CDH4: variants seen among roughly 807,000 people sequenced by gnomAD.
CDH4 encodes the protein cadherin-4.
CDH4 carries 33 observed loss-of-function variants against 86.0 expected under a neutral mutation model. The observed-to-expected ratio is 0.38, with a 90% CI of 0.29 to 0.51. CDH4 has a LOEUF of 0.51. Ranked by LOEUF, CDH4 falls within the 20% of genes least tolerant of loss-of-function variation. CDH4 has a pLI of 0.86. For missense variants in CDH4, 1,114 were observed against 1,307.4 expected, an observed-to-expected ratio of 0.85 and a Z score of 2.28; for synonymous variants, 555 against 549.4, an observed-to-expected ratio of 1.01 and a Z score of -0.14.
At chr20:61,836,249 T>C (rs954665372) in intron 4 of CDH4, among the ~76,000 whole-genome samples, 1 of 152,210 alleles carries the variant, frequency 6.6e-6, no homozygotes, top group Non-Finnish European at 1.5e-5. Context: ...TGGCCTTTGT[T>C]TCCAGAAGAG....
At chr20:61,512,093 T>C (rs1367934461) in intron 2 of CDH4, among the ~76,000 whole-genome samples, 1 of 152,166 alleles carries the variant, frequency 6.6e-6, no homozygotes, top group Non-Finnish European at 1.5e-5. Context: ...TACTGGGATG[T>C]GGTTGAGCTT....
chr20:61,716,754 C>G (rs2087959976), intron 2 of CDH4, among the ~76,000 whole-genome samples: 1 of 152,032 alleles, frequency 6.6e-6, no homozygotes, highest in African/African-American at 2.4e-5. Context: ...ACTAAAAATA[C>G]AAAAATTAGC....
At chr20:61,432,740 A>G (rs893424436) in intron 2 of CDH4, among the ~76,000 whole-genome samples, 1 of 150,526 alleles carries the variant, frequency 6.6e-6, no homozygotes, top group African/African-American at 2.4e-5. Flanking sequence ...CCCATGTTCT[A>G]TCTATAGGAA....
rs1284482971 is a variant in CDH4, at chr20:61,531,786, G to A, written c.170-211777G>A. Among the ~76,000 whole-genome samples the A allele has an allele frequency of 1.1e-4, 17 of 152,316 alleles. No homozygotes were observed. The South Asian group carries it at 3.5e-3, about 32-fold the overall frequency. ...AGTCATCAGCCTGACGCACAGGCCTGGAGCGAGTGCTCTCAGAATGCAGAC... is the reference window on the plus strand; with the variant it reads ...AGTCATCAGCCTGACGCACAGGCCTAGAGCGAGTGCTCTCAGAATGCAGAC... On this transcript the variant is annotated intron_variant, in intron 2 of 15. Coordinates refer to ENST00000614565, the MANE Select transcript of CDH4 (RefSeq NM_001794.5).
At chr20:61,884,455 C>T (rs1305010919) in intron 7 of CDH4, among the ~76,000 whole-genome samples, 2 of 152,010 alleles carry the variant, frequency 1.3e-5, no homozygotes, top group Non-Finnish European at 2.9e-5. Context: ...GGACGGTCCA[C>T]GAGTTTAAAG....
At chr20:61,506,657 T>C (rs758573588) in intron 2 of CDH4, among the ~76,000 whole-genome samples, 2 of 152,178 alleles carry the variant, frequency 1.3e-5, no homozygotes, top group Non-Finnish European at 2.9e-5. Context: ...CTTATAGAGA[T>C]GAGTCGGCCT....
chr20:61,459,898 A>G (rs2427111), intron 2 of CDH4, among the ~76,000 whole-genome samples: 72,423 of 151,384 alleles, frequency 0.48, 17,584 homozygotes, highest in Admixed American at 0.54. Context: ...CCTGTGACCC[A>G]CAGAAGGTCA....
At chr20:61,837,763 C>G (rs1266592247) in intron 4 of CDH4, among the ~76,000 whole-genome samples, 7 of 19,512 alleles carry the variant, frequency 3.6e-4, no homozygotes, top group East Asian at 3.1e-3. Flanking sequence ...AACAGAGCAC[C>G]CCCCCCGTGG....
intron 2 of CDH4, among the ~76,000 whole-genome samples, chr20:61,673,560 G>A (rs1048866450): frequency 6.6e-6 from 1 of 152,198 alleles, no homozygotes; most frequent in Non-Finnish European, 1.5e-5. Context: ...CTACATCTTT[G>A]TTAAGGTCTC....
chr20:61,769,000 G>A (rs1009584381), intron 3 of CDH4, among the ~76,000 whole-genome samples: 4 of 152,208 alleles, frequency 2.6e-5, no homozygotes, highest in African/African-American at 9.6e-5. Context: ...CCAGGCGGGA[G>A]AGACCAGCCA....
chr20:61,653,328 GTC>G (rs2087145245), intron 2 of CDH4, among the ~76,000 whole-genome samples: 1 of 136,646 alleles, frequency 7.3e-6, no homozygotes, highest in East Asian at 2.0e-4. Context: ...AGTCTCCCAT[GTC>G]TACCTCTTTC....
intron 2 of CDH4, among the ~76,000 whole-genome samples, chr20:61,601,345 C>A (rs1006304654): frequency 3.9e-5 from 6 of 152,192 alleles, no homozygotes; most frequent in Admixed American, 3.9e-4. Context: ...CCACCTCCAA[C>A]ACTGGGGATC....
At position 61,881,405 on chromosome 20, in the gene CDH4, C is replaced by T. The variant is rs544116824; in HGVS notation, c.1050+7505C>T. 3.5e-4 allele frequency among the ~76,000 whole-genome samples: 54 copies of T among 152,310 alleles called. 1 individual carries two copies. Among genetic ancestry groups the T allele is most frequent in the African/African-American group, 1.2e-3 (50 of 41,572 alleles). ...CTGCAGGAGAGAGAAGCCGTGGCTG[C>T]GGAAGAAATAAACCATTTCATGGTG... On this transcript the variant is annotated intron_variant, in intron 7 of 15. Transcript: ENST00000614565.
At chr20:61,651,135 G>A (rs2087116567) in intron 2 of CDH4, among the ~76,000 whole-genome samples, 1 of 152,088 alleles carries the variant, frequency 6.6e-6, no homozygotes, top group African/African-American at 2.4e-5. Flanking sequence ...CCGTGCACTG[G>A]TGTGCTCGTG....
intron 2 of CDH4, among the ~76,000 whole-genome samples, chr20:61,620,576 TAGAG>T (rs2086768808): frequency 6.6e-6 from 1 of 152,160 alleles, no homozygotes; most frequent in African/African-American, 2.4e-5. Flanking sequence ...AAGAGGTGGA[TAGAG>T]AGACAAATCT....
At chr20:61,834,964 C>T (rs1482911263) in intron 4 of CDH4, among the ~76,000 whole-genome samples, 1 of 152,252 alleles carries the variant, frequency 6.6e-6, no homozygotes, top group South Asian at 2.1e-4. Flanking sequence ...GCTGTCCAGA[C>T]ACCGCTGGAG....
At chr20:61,362,519 G>A (rs1049623072) in intron 2 of CDH4, among the ~76,000 whole-genome samples, 8 of 149,924 alleles carry the variant, frequency 5.3e-5, no homozygotes, top group Admixed American at 2.0e-4. Context: ...GAGCGGAGAC[G>A]TGGCCTAGGA....
intron 7 of CDH4, among the ~76,000 whole-genome samples, chr20:61,883,239 G>A (rs980491733): frequency 1.3e-5 from 2 of 152,046 alleles, no homozygotes; most frequent in East Asian, 2.0e-4. Flanking sequence ...TTAATGTAGT[G>A]CACTGAGTGC....
intron 2 of CDH4, among the ~76,000 whole-genome samples, chr20:61,733,383 C>T (rs2088219873): frequency 6.6e-6 from 1 of 152,178 alleles, no homozygotes; most frequent in Non-Finnish European, 1.5e-5. Context: ...ACCTCCAGGC[C>T]TTCACACGTG....
Sources: allele counts gnomAD v4.1 joint callset (sites outside exome capture counted in the v4.1 genomes callset), GRCh38; gene constraint gnomAD v4.1.1; transcripts MANE v1.5; gene names NCBI Gene and HGNC (gene_info 2026-07-23, HGNC 2026-07-21).